Variants in COL21A1 observed in about 807,000 individuals in gnomAD.
COL21A1 encodes the protein collagen alpha-1(XXI) chain.
In COL21A1, 149 loss-of-function variants were observed where a neutral mutation model predicts 137.9. That is an observed-to-expected ratio of 1.08 (90% confidence interval 0.95 to 1.24). COL21A1 has a LOEUF of 1.24. Among genes scored for constraint, COL21A1 ranks in the 50% most tolerant of loss-of-function variants. The pLI is 0.00. For missense variants in COL21A1, 1,167 were observed against 1,158.4 expected (o/e 1.01, Z -0.11); for synonymous variants, 456 against 391.5 (o/e 1.16, Z -1.95).
At chr6:56,243,359 T>C (rs981008947) in intron 1 of COL21A1, among the ~76,000 whole-genome samples, 2 of 152,204 alleles carry the variant, frequency 1.3e-5, no homozygotes, top group African/African-American at 4.8e-5. Flanking sequence ...TAGTATCAAC[T>C]GGGACCTTAC....
intron 1 of COL21A1, among the ~76,000 whole-genome samples, chr6:56,185,208 T>TA (rs1328469613): frequency 1.3e-5 from 2 of 151,634 alleles, no homozygotes; most frequent in Non-Finnish European, 2.9e-5. Context: ...AGAAAAGGTA[T>TA]AAAAAACTAT....
chr6:56,178,550 G>C (rs988631996), intron 3 of COL21A1, among the ~76,000 whole-genome samples: 1 of 151,934 alleles, frequency 6.6e-6, no homozygotes, highest in Non-Finnish European at 1.5e-5. Context: ...CAAATGTGAA[G>C]CCACCCACTT....
chr6:56,283,882 T>A (rs202128058), intron 1 of COL21A1, among the ~76,000 whole-genome samples: 38,766 of 151,088 alleles, frequency 0.26, 5,505 homozygotes, highest in Non-Finnish European at 0.32. Context: ...ACACTCTCTC[T>A]CTCTCTCTCT....
intron 22 of COL21A1, 28 bp downstream of exon 22, chr6:56,069,018 C>A (rs745534388): frequency 9.9e-6 from 15 of 1,515,510 alleles, no homozygotes; most frequent in Non-Finnish European, 1.3e-5. Flanking sequence ...TGGTTAAAAG[C>A]GAACTGTATC....
chr6:56,349,606 A>G (rs929022624), intron 1 of COL21A1, among the ~76,000 whole-genome samples: 1 of 152,248 alleles, frequency 6.6e-6, no homozygotes, highest in African/African-American at 2.4e-5. Flanking sequence ...ACTGATTTTT[A>G]ATTTTTATTC....
At chr6:56,188,293 T>C (rs1249075333) in intron 1 of COL21A1, among the ~76,000 whole-genome samples, 2 of 152,166 alleles carry the variant, frequency 1.3e-5, no homozygotes, top group Non-Finnish European at 2.9e-5. Context: ...CCTAGAGAAA[T>C]GAAATTGTGT....
intron 1 of COL21A1, among the ~76,000 whole-genome samples, chr6:56,217,932 T>C (rs936495641): frequency 7.2e-5 from 11 of 152,058 alleles, no homozygotes; most frequent in African/African-American, 2.7e-4. Context: ...AGGTTGCATA[T>C]GTAAAAGGGG....
At chr6:56,381,724 G>A (rs1212872585) in intron 1 of COL21A1, among the ~76,000 whole-genome samples, 3 of 152,166 alleles carry the variant, frequency 2.0e-5, no homozygotes, top group Non-Finnish European at 4.4e-5. Flanking sequence ...CTAAAAGAAT[G>A]AGAACCAACC....
At chr6:56,304,440 T>C (rs2152338066) in intron 1 of COL21A1, among the ~76,000 whole-genome samples, 1 of 152,354 alleles carries the variant, frequency 6.6e-6, no homozygotes, top group South Asian at 2.1e-4. Flanking sequence ...GAGATTCAAC[T>C]TCTTCGTGGT....
intron 1 of COL21A1, among the ~76,000 whole-genome samples, chr6:56,326,674 G>A (rs1765100571): frequency 6.6e-6 from 1 of 151,954 alleles, no homozygotes; most frequent in Non-Finnish European, 1.5e-5. Context: ...ACAACTTTTG[G>A]AATTCTTCAA....
At chr6:56,179,479 TAACA>T in intron 3 of COL21A1, 95 bp downstream of exon 3, 1 of 781,484 alleles carries the variant, frequency 1.3e-6, no homozygotes. Flanking sequence ...ACATTAAATA[TAACA>T]ATTTACACCA....
At chr6:56,192,791 A>T (rs1778774583) in intron 1 of COL21A1, among the ~76,000 whole-genome samples, 1 of 152,200 alleles carries the variant, frequency 6.6e-6, no homozygotes, top group South Asian at 2.1e-4. Context: ...TTCCTCAAGG[A>T]TCTAGAACTA....
intron 28 of COL21A1, 141 bp downstream of exon 28, chr6:56,059,877 T>C: frequency 1.7e-6 from 1 of 577,198 alleles, no homozygotes; most frequent in Admixed American, 4.0e-5. Flanking sequence ...TTTAATTCAG[T>C]TGGCAAATTA....
chr6:56,294,356 T>C (rs1159395788), intron 1 of COL21A1, among the ~76,000 whole-genome samples: 1 of 152,114 alleles, frequency 6.6e-6, no homozygotes, highest in East Asian at 1.9e-4. Flanking sequence ...CTACGGTGCA[T>C]ATAAAATACA....
At chr6:56,106,178 A>C (rs988090555) in intron 16 of COL21A1, among the ~76,000 whole-genome samples, 3 of 152,196 alleles carry the variant, frequency 2.0e-5, no homozygotes, top group Non-Finnish European at 2.9e-5. Context: ...AATCAACAAA[A>C]GCTTTTTTCT....
At chr6:56,386,214 G>C (rs2094017944) in intron 1 of COL21A1, among the ~76,000 whole-genome samples, 1 of 152,170 alleles carries the variant, frequency 6.6e-6, no homozygotes, top group East Asian at 1.9e-4. Flanking sequence ...CTGTCAAATT[G>C]CTGGGATTAC....
At position 56,125,578 on chromosome 6, in the gene COL21A1, A is replaced by G; in HGVS notation, c.1639T>C (p.Tyr547His). Residue 547 changes from tyrosine (Y) to histidine (H), a missense_variant, in exon 14 of 30, where the codon TAT becomes CAT. Coordinates refer to ENST00000244728, the MANE Select transcript of COL21A1 (RefSeq NM_030820.4). ...TGATCTATACTTCCCTTTTTGCCAT[A>G]AAATCCAGGTGATCCTTTGTCTCCT... ...AKGDKGSPGFYGKKGAKGEKG... is the reference protein window; with the variant it reads ...AKGDKGSPGFHGKKGAKGEKG... 6.2e-7 allele frequency: 1 copy of G among 1,601,298 alleles called. No individual in the cohort carries two copies. Among genetic ancestry groups the G allele is most frequent in the Non-Finnish European group, 8.5e-7 (1 of 1,171,556 alleles).
intron 10 of COL21A1, among the ~76,000 whole-genome samples, chr6:56,153,133 T>A (rs1775448744): frequency 6.6e-6 from 1 of 152,186 alleles, no homozygotes; most frequent in African/African-American, 2.4e-5. Flanking sequence ...TGGCATATAA[T>A]GGGGGTCGAA....
intron 12 of COL21A1, among the ~76,000 whole-genome samples, chr6:56,126,911 A>G (rs1773092187): frequency 6.6e-6 from 1 of 152,182 alleles, no homozygotes. Flanking sequence ...CATATTAAAG[A>G]TTATATCATC....
Sources: allele counts gnomAD v4.1 joint callset (sites outside exome capture counted in the v4.1 genomes callset), GRCh38; gene constraint gnomAD v4.1.1; transcripts MANE v1.5; gene names NCBI Gene and HGNC (gene_info 2026-07-23, HGNC 2026-07-21).